Variants in NAALADL2 observed in about 807,000 individuals in gnomAD.
NAALADL2 encodes the protein N-acetylated alpha-linked acidic dipeptidase like 2, also known as inactive N-acetylated-alpha-linked acidic dipeptidase-like protein 2.
A neutral mutation model predicts 87.2 loss-of-function variants in NAALADL2; 76 were observed. The observed-to-expected ratio is 0.87, with a 90% confidence interval of 0.72 to 1.05. NAALADL2 has a LOEUF of 1.05. Among genes scored for constraint, NAALADL2 ranks in the 50% least tolerant of loss-of-function variants. The probability of loss-of-function intolerance (pLI) is 0.00; values close to 1 mark genes in which losing one functional copy is unlikely to be tolerated. For missense variants in NAALADL2, 1,089 were observed against 945.8 expected, an observed-to-expected ratio of 1.15 and a Z score of -1.99; for synonymous variants, 354 against 331.0, an observed-to-expected ratio of 1.07 and a Z score of -0.75.
At chr3:175,026,541 A>G (rs746889516) in intron 1 of NAALADL2, among the ~76,000 whole-genome samples, 1 of 151,160 alleles carries the variant, frequency 6.6e-6, no homozygotes, top group Non-Finnish European at 1.5e-5. Flanking sequence ...TGTAATCCCA[A>G]CTACTTGGGA....
intron 2 of NAALADL2, among the ~76,000 whole-genome samples, chr3:175,101,436 T>C (rs2108415548): frequency 6.6e-6 from 1 of 152,332 alleles, no homozygotes; most frequent in East Asian, 1.9e-4. Flanking sequence ...TTGAGAAAGC[T>C]CTTTAACTTA....
intron 3 of NAALADL2, among the ~76,000 whole-genome samples, chr3:174,803,646 A>G (rs1455275669): frequency 1.3e-5 from 2 of 152,144 alleles, no homozygotes; most frequent in East Asian, 1.9e-4. Context: ...TAATTTTTGT[A>G]TAAGGTGTAA....
intron 5 of NAALADL2, among the ~76,000 whole-genome samples, chr3:175,348,302 C>T (rs1050539794): frequency 3.9e-5 from 6 of 152,074 alleles, no homozygotes; most frequent in Non-Finnish European, 8.8e-5. Context: ...CTGCCCGCCT[C>T]GGCCTCCCAA....
chr3:174,448,796 A>T (rs1715255848), intron 1 of NAALADL2, among the ~76,000 whole-genome samples: 3 of 152,190 alleles, frequency 2.0e-5, no homozygotes, highest in Admixed American at 6.5e-5. Flanking sequence ...TAGTCCGTTC[A>T]GGCAATCATG....
At chr3:175,240,021 T>A (rs1215636670) in intron 3 of NAALADL2, among the ~76,000 whole-genome samples, 1 of 152,170 alleles carries the variant, frequency 6.6e-6, no homozygotes, top group Non-Finnish European at 1.5e-5. Context: ...AGAACAAACT[T>A]TTATTATATT....
intron 5 of NAALADL2, among the ~76,000 whole-genome samples, chr3:175,423,238 G>A (rs1218256043): frequency 1.5e-5 from 2 of 131,284 alleles, no homozygotes; most frequent in African/African-American, 5.7e-5. Context: ...TTTTTTTTTC[G>A]GGCTCAAACC....
At chr3:175,014,522 TA>T (rs1750567263) in intron 1 of NAALADL2, among the ~76,000 whole-genome samples, 1 of 152,186 alleles carries the variant, frequency 6.6e-6, no homozygotes, top group Non-Finnish European at 1.5e-5. Context: ...AAGTTTGTCA[TA>T]AAATATAGGT....
intron 5 of NAALADL2, among the ~76,000 whole-genome samples, chr3:175,412,745 CAT>C (rs1240335264): frequency 3.3e-5 from 5 of 151,552 alleles, no homozygotes; most frequent in African/African-American, 9.7e-5. Context: ...TCTTGAAAAA[CAT>C]ATGCATTTTT....
At chr3:174,709,216 C>G (rs2108907964) in intron 2 of NAALADL2, among the ~76,000 whole-genome samples, 1 of 152,188 alleles carries the variant, frequency 6.6e-6, no homozygotes, top group South Asian at 2.1e-4. Context: ...AAAATACAAA[C>G]TTGCTGTCCT....
At chr3:175,562,130 A>C (rs186151608) in intron 9 of NAALADL2, among the ~76,000 whole-genome samples, 29 of 152,284 alleles carry the variant, frequency 1.9e-4, no homozygotes, top group Admixed American at 9.8e-4. Context: ...TTTCCAAGGT[A>C]AATTTTGAAA....
chr3:174,490,267 C>G (rs1252498051), intron 1 of NAALADL2, among the ~76,000 whole-genome samples: 5 of 151,916 alleles, frequency 3.3e-5, no homozygotes, highest in Non-Finnish European at 7.4e-5. Flanking sequence ...ACAAATGAAC[C>G]TTAAAAACAT....
chr3:175,284,042 G>A (rs11929136), intron 4 of NAALADL2, among the ~76,000 whole-genome samples: 6 of 152,010 alleles, frequency 3.9e-5, no homozygotes, highest in African/African-American at 7.2e-5. Context: ...CAAAAAACTC[G>A]TGTCTTTGCT....
intron 2 of NAALADL2, among the ~76,000 whole-genome samples, chr3:174,658,147 T>G (rs568899956): frequency 6.6e-6 from 1 of 152,266 alleles, no homozygotes; most frequent in East Asian, 1.9e-4. Flanking sequence ...ATAGTATGAT[T>G]GTTGGATTGT....
Position 175,810,147 on chromosome 3 carries a change from C to T in NAALADL2, c.*6944C>T, listed in dbSNP as rs892741992. On this transcript the variant is annotated 3_prime_UTR_variant, in exon 14 of 14. Transcript: ENST00000454872. ...ATGATATTGATTTAGAGGCATTTGT[C>T]GGTAGTTTTTAAATTACTATATAGG... is the stretch of plus-strand genomic sequence containing the variant. The T allele has an allele frequency of 3.3e-5, 5 of 151,876 alleles. No homozygotes were observed. Among genetic ancestry groups the T allele is most frequent in the African/African-American group, 4.8e-5 (2 of 41,382 alleles). 9.4% of individuals were successfully genotyped at this position (151,876 alleles called of 1,614,324 possible). A position where few individuals can be genotyped will look rare whatever the true frequency, so the allele number is the denominator to read the frequency against.
At chr3:174,804,598 T>G (rs1579001499) in intron 3 of NAALADL2, among the ~76,000 whole-genome samples, 1 of 152,178 alleles carries the variant, frequency 6.6e-6, no homozygotes, top group African/African-American at 2.4e-5. Flanking sequence ...ATACTGGCTG[T>G]GGGTTTGTCA....
chr3:175,117,234 A>G (rs1017268311), intron 2 of NAALADL2, among the ~76,000 whole-genome samples: 5 of 150,976 alleles, frequency 3.3e-5, no homozygotes, highest in African/African-American at 1.2e-4. Context: ...ACCAAAAGCA[A>G]TGGCAACAAA....
At chr3:175,785,562 TCTTCCTCCATCCTTTTA>T (rs1392562386) in intron 13 of NAALADL2, among the ~76,000 whole-genome samples, 1 of 138,116 alleles carries the variant, frequency 7.2e-6, no homozygotes, top group Non-Finnish European at 1.5e-5. Context: ...GCTTGGTAGA[TCTTCCTCCATCCTTTTA>T]TTTTGAGCCT....
chr3:174,754,235 A>T (rs866906613), intron 3 of NAALADL2, among the ~76,000 whole-genome samples: 13 of 149,772 alleles, frequency 8.7e-5, no homozygotes, highest in African/African-American at 3.2e-4. Flanking sequence ...TTTTTTCTGT[A>T]TTTTCTTTAA....
At chr3:175,451,475 G>C (rs1006490283) in intron 6 of NAALADL2, among the ~76,000 whole-genome samples, 9 of 151,998 alleles carry the variant, frequency 5.9e-5, no homozygotes, top group African/African-American at 2.2e-4. Context: ...TTCATTCAAC[G>C]TATTGTCAAT....
Sources: allele counts gnomAD v4.1 joint callset (sites outside exome capture counted in the v4.1 genomes callset), GRCh38; gene constraint gnomAD v4.1.1; transcripts MANE v1.5; gene names NCBI Gene and HGNC (gene_info 2026-07-23, HGNC 2026-07-21).